The following ALG9 variants were observed in gnomAD, a reference collection of about 807,000 sequenced individuals.
ALG9 encodes ALG9 alpha-1,2-mannosyltransferase.
In ALG9, 55 loss-of-function variants were observed where a neutral mutation model predicts 81.8. That is an observed-to-expected ratio of 0.67 (90% CI 0.54 to 0.84). The LOEUF (loss-of-function observed/expected upper bound fraction) is 0.84. ALG9 is among the 40% of genes least tolerant of loss of function. The probability of loss-of-function intolerance (pLI) is 0.00; values close to 1 mark genes in which losing one functional copy is unlikely to be tolerated. For missense variants in ALG9, 629 were observed against 745.0 expected (o/e 0.84, Z 1.81); for synonymous variants, 278 against 274.3 (o/e 1.01, Z -0.13).
chr11:111,825,387 G>C (rs1953061201), intron 13 of ALG9, among the ~76,000 whole-genome samples: 1 of 152,130 alleles, frequency 6.6e-6, no homozygotes, highest in Admixed American at 6.5e-5. Context: ...AAATATGTGA[G>C]AACAATGAAA....
intron 8 of ALG9, among the ~76,000 whole-genome samples, chr11:111,852,633 T>C (rs541022370): frequency 2.0e-5 from 3 of 152,200 alleles, no homozygotes; most frequent in East Asian, 3.9e-4. Context: ...ATCAAATGTG[T>C]GTATATATAG....
At chr11:111,810,102 C>T (rs1487505596) in intron 13 of ALG9, among the ~76,000 whole-genome samples, 1 of 152,216 alleles carries the variant, frequency 6.6e-6, no homozygotes, top group African/African-American at 2.4e-5. Flanking sequence ...CACTACTGCT[C>T]TCTTCCAGTC....
chr11:111,819,006 T>C (rs1183452172), intron 13 of ALG9, among the ~76,000 whole-genome samples: 5 of 152,150 alleles, frequency 3.3e-5, no homozygotes, highest in Non-Finnish European at 7.4e-5. Context: ...AGACAGGACA[T>C]AGAAGAATCA....
intron 3 of ALG9, among the ~76,000 whole-genome samples, chr11:111,866,019 G>A (rs1490464219): frequency 2.6e-5 from 4 of 152,190 alleles, no homozygotes; most frequent in African/African-American, 9.7e-5. Context: ...AACTGGCCGG[G>A]CATGGTGGCT....
downstream of ALG9, among the ~76,000 whole-genome samples, chr11:111,780,019 T>A (rs1945842030): frequency 6.6e-6 from 1 of 152,220 alleles, no homozygotes; most frequent in Non-Finnish European, 1.5e-5. Flanking sequence ...CTTTCAGTTT[T>A]AAAATATCCC....
rs71461596 is a variant in ALG9 at position 111,852,942 on chromosome 11, C to CAAA, written c.895+435_895+437dup. 2.3e-3 allele frequency among the ~76,000 whole-genome samples: 245 copies of CAAA among 106,130 alleles called. 3 individuals are homozygous for CAAA. Among genetic ancestry groups the CAAA allele is most frequent in the East Asian group, 0.01 (32 of 3,100 alleles). The allele number at this position is 106,130 out of a possible 152,430, so 69.6% of individuals were successfully genotyped here. ...GGGCAACAAGAGTCTAACTCCACCT[C>CAAA]AAAAAAAAAAAAAAAAATGTCTGGG... On this transcript the variant is annotated intron_variant, in intron 8 of 14. Transcript: ENST00000616540.
chr11:111,803,120 A>T (rs1949379019), intron 14 of ALG9, among the ~76,000 whole-genome samples: 1 of 152,250 alleles, frequency 6.6e-6, no homozygotes, highest in Non-Finnish European at 1.5e-5. Context: ...TCAAAATCCC[A>T]GCAAGTTATT....
intron 13 of ALG9, among the ~76,000 whole-genome samples, chr11:111,825,316 A>T (rs1555107340): frequency 6.6e-6 from 1 of 152,214 alleles, no homozygotes; most frequent in Non-Finnish European, 1.5e-5. Context: ...GATTAATGAC[A>T]AACATGAACC....
chr11:111,870,735 TTA>T, intron 1 of ALG9: 1 of 1,021,170 alleles, frequency 9.8e-7, no homozygotes, highest in Non-Finnish European at 1.2e-6. Flanking sequence ...CTCAATGCAT[TTA>T]TGTCACTCCA....
chr11:111,803,847 T>G (rs1949513810), intron 14 of ALG9, among the ~76,000 whole-genome samples: 1 of 151,876 alleles, frequency 6.6e-6, no homozygotes, highest in Admixed American at 6.6e-5. Flanking sequence ...AAAGTAAAAG[T>G]ATAGTCTGGG....
At chr11:111,801,676 T>C (rs1274024350) in intron 14 of ALG9, among the ~76,000 whole-genome samples, 1 of 152,242 alleles carries the variant, frequency 6.6e-6, no homozygotes, top group Non-Finnish European at 1.5e-5. Context: ...GTCTTCACTA[T>C]ACTTTACACA....
intron 1 of ALG9, 80 bp downstream of exon 1, chr11:111,871,272 C>A: frequency 7.5e-7 from 1 of 1,335,658 alleles, no homozygotes; most frequent in Non-Finnish European, 9.5e-7. Flanking sequence ...GAGCCCCGCG[C>A]GCCACAGCTA....
chr11:111,788,473 G>A (rs1348771172), intron 14 of ALG9: 1 of 454,012 alleles, frequency 2.2e-6, no homozygotes, highest in African/African-American at 2.0e-5. Context: ...GCCAGGCACG[G>A]TGGCTCAGGC....
Position 111,860,571 on chromosome 11 carries a change from T to C in ALG9, c.541A>G (p.Thr181Ala). 1 of 1,614,112 alleles carries C rather than the reference T, an allele frequency of 6.2e-7. No homozygotes were observed. The highest frequency in any genetic ancestry group is 8.5e-7 in the Non-Finnish European group (1 of 1,179,994). The change falls in exon 5 of 15, where the codon ACT (threonine) becomes GCT (alanine). Residue 181 changes from threonine (T) to alanine (A), a missense_variant. Physicochemically the swap from Thr to Ala is moderately conservative, Grantham distance 58. Transcript: ENST00000616540. Reference sequence around the variant, plus strand: ...CCTGATGATGAGCAAAACATGCCAGTGCTGAGAACCAAGAAGGCTAGCATC... The same window carrying C: ...CCTGATGATGAGCAAAACATGCCAGCGCTGAGAACCAAGAAGGCTAGCATC... ...RMMLAFLVLS[T>A]GMFCSSSAFL... is the part of the protein sequence containing the mutation.
rs1555155701 is a variant in ALG9 at position 111,868,696 on chromosome 11, T to C, written c.311A>G (p.Glu104Gly). 1.9e-6 allele frequency: 3 copies of C among 1,613,582 alleles called. No homozygotes were observed. Among genetic ancestry groups the C allele is most frequent in the African/African-American group, 2.7e-5 (2 of 74,910 alleles). Reference protein sequence around the residue: ...LIYGEGFQTWEYSPAYAIRSY... With the variant: ...LIYGEGFQTWGYSPAYAIRSY... ...GCGAATGGCATATGCTGGGGAATATTCCCAAGTCTGAAACCCTTCCCCATA... is the reference window on the plus strand; with the variant it reads ...GCGAATGGCATATGCTGGGGAATATCCCCAAGTCTGAAACCCTTCCCCATA... The change falls in exon 3 of 15, where the codon GAA becomes GGA. Residue 104 changes from glutamate to glycine, a missense_variant. Around this residue, in one of 3 missense-constraint regions of ALG9, gnomAD observed 344 missense variants for 390.5 expected, o/e 0.88. Coordinates refer to ENST00000616540, the MANE Select transcript of ALG9 (RefSeq NM_024740.2).
At chr11:111,851,902 T>A (rs532502479) in intron 8 of ALG9, among the ~76,000 whole-genome samples, 120 of 152,350 alleles carry the variant, frequency 7.9e-4, no homozygotes, top group African/African-American at 2.3e-3. Flanking sequence ...GGAGCTTTTT[T>A]AAAGTTCTTT....
intron 14 of ALG9, among the ~76,000 whole-genome samples, chr11:111,802,887 T>C (rs939545257): frequency 1.7e-4 from 26 of 152,162 alleles, no homozygotes; most frequent in African/African-American, 6.3e-4. Context: ...TCAAATCTCT[T>C]ATCACCTCAT....
At chr11:111,826,534 TCAGA>T (rs1953331958) in intron 13 of ALG9, among the ~76,000 whole-genome samples, 1 of 152,120 alleles carries the variant, frequency 6.6e-6, no homozygotes, top group African/African-American at 2.4e-5. Flanking sequence ...TTTATTTTTT[TCAGA>T]CAGAGTCTCA....
rs115399116 is a variant in ALG9, at chr11:111,791,000, C to G, written c.1734-4480G>C. On this transcript the variant is annotated intron_variant, in intron 14 of 14. Transcript: ENST00000616540. ...TTCATTTATTTGCTTGTTTCACAAA[C>G]AATCTACTTGGTTTTCCATTTGCTA... Among the ~76,000 whole-genome samples, 1,114 of 152,264 alleles carry G rather than the reference C, an allele frequency of 7.3e-3. 14 individuals carry two copies. Among genetic ancestry groups the G allele is most frequent in the African/African-American group, 0.026 (1,060 of 41,558 alleles).
Sources: gnomAD v4.1 joint callset for allele counts (sites outside exome capture counted in the v4.1 genomes callset) on GRCh38, gnomAD v4.1.1 for gene constraint, gnomAD v4.1.1 regional missense constraint, MANE v1.5 for transcripts, NCBI Gene and HGNC (gene_info 2026-07-23, HGNC 2026-07-21) for gene names.